ATXN1: variants seen among roughly 807,000 people sequenced by gnomAD.
The protein encoded by ATXN1 is ataxin-1.
In ATXN1, 8 loss-of-function variants were observed where a neutral mutation model predicts 56.4. The ratio of observed to expected loss-of-function variants is 0.14; its 90% confidence interval spans 0.08 to 0.26. ATXN1 has a LOEUF of 0.26. Ranked by LOEUF, ATXN1 falls within the 10% of genes least tolerant of loss-of-function variation. ATXN1 has a pLI of 1.00. For missense variants in ATXN1, 987 were observed against 1,106.5 expected (o/e 0.89, Z 1.53); for synonymous variants, 514 against 494.6 (o/e 1.04, Z -0.52).
chr6:16,543,632 TAA>T (rs566914364), intron 4 of ATXN1, among the ~76,000 whole-genome samples: 8 of 106,370 alleles, frequency 7.5e-5, no homozygotes, highest in Middle Eastern at 5.4e-3. Context: ...GCTATTTTCC[TAA>T]AAAAAAAAAA....
chr6:16,332,232 T>C (rs1373652601), intron 6 of ATXN1, among the ~76,000 whole-genome samples: 2 of 152,152 alleles, frequency 1.3e-5, no homozygotes, highest in Admixed American at 1.3e-4. Context: ...CTTTCAGTAC[T>C]GATAAGGGGA....
chr6:16,733,326 C>T (rs1760033957), intron 2 of ATXN1, among the ~76,000 whole-genome samples: 1 of 152,170 alleles, frequency 6.6e-6, no homozygotes, highest in African/African-American at 2.4e-5. Context: ...TTTGGGAGGC[C>T]GAGGCGGGAG....
At chr6:16,744,358 G>C (rs1157594193) in intron 2 of ATXN1, among the ~76,000 whole-genome samples, 1 of 152,190 alleles carries the variant, frequency 6.6e-6, no homozygotes, top group Non-Finnish European at 1.5e-5. Flanking sequence ...AGCCTGCTAC[G>C]TAGCAGAAAT....
intron 4 of ATXN1, among the ~76,000 whole-genome samples, chr6:16,559,408 T>C (rs1388395828): frequency 6.6e-6 from 1 of 150,390 alleles, no homozygotes; most frequent in Non-Finnish European, 1.5e-5. Context: ...TGGGACTGAA[T>C]ACTTTATGGC....
At chr6:16,671,902 G>A (rs1001767629) in intron 2 of ATXN1, among the ~76,000 whole-genome samples, 5 of 152,138 alleles carry the variant, frequency 3.3e-5, no homozygotes, top group Admixed American at 6.5e-5. Flanking sequence ...TCTAACATCA[G>A]TATTATGCAA....
At chr6:16,321,551 T>TGGA (rs1223699872) in intron 7 of ATXN1, among the ~76,000 whole-genome samples, 1 of 152,166 alleles carries the variant, frequency 6.6e-6, no homozygotes, top group Non-Finnish European at 1.5e-5. Context: ...TTTGCTCGAG[T>TGGA]GGAGAAAAGC....
At chr6:16,511,994 T>C (rs1022139105) in intron 5 of ATXN1, among the ~76,000 whole-genome samples, 1 of 152,144 alleles carries the variant, frequency 6.6e-6, no homozygotes, top group Non-Finnish European at 1.5e-5. Context: ...CCAGCCCCCA[T>C]CTTTCTCCTC....
chr6:16,483,367 C>A (rs1314046550), intron 6 of ATXN1, among the ~76,000 whole-genome samples: 1 of 152,202 alleles, frequency 6.6e-6, no homozygotes, highest in Non-Finnish European at 1.5e-5. Context: ...AACATGCATT[C>A]TTTGAAAATT....
intron 6 of ATXN1, among the ~76,000 whole-genome samples, chr6:16,366,588 C>T (rs1237615046): frequency 6.6e-6 from 1 of 152,052 alleles, no homozygotes; most frequent in Admixed American, 6.5e-5. Context: ...GGAGACCAGA[C>T]TAGCCAACAT....
chr6:16,624,797 T>C (rs577602120), intron 3 of ATXN1, among the ~76,000 whole-genome samples: 1 of 152,278 alleles, frequency 6.6e-6, no homozygotes, highest in Admixed American at 6.5e-5. Flanking sequence ...TATGCCACAA[T>C]TCAGAAAATG....
At chr6:16,539,568 T>C (rs1220634857) in intron 4 of ATXN1, among the ~76,000 whole-genome samples, 1 of 152,180 alleles carries the variant, frequency 6.6e-6, no homozygotes, top group East Asian at 1.9e-4. Context: ...CTTATTGATA[T>C]AGACTGTGTC....
In ATXN1 at chr6:16,631,878, G is replaced by A. The variant is rs139854940; in HGVS notation, c.-489+25898C>T. On this transcript the variant is annotated intron_variant, in intron 3 of 7. Coordinates refer to ENST00000436367, the MANE Select transcript of ATXN1 (RefSeq NM_001128164.2). ...ATCAACAGGAAAGAGGAAGAGAAGA[G>A]CTCAGAAATAAGCCACTAGTGCTCG... is the stretch of plus-strand genomic sequence containing the variant. 2.8e-3 allele frequency among the ~76,000 whole-genome samples: 433 copies of A among 152,288 alleles called. 1 individual carries two copies. Among genetic ancestry groups the A allele is most frequent in the Non-Finnish European group, 4.6e-3 (312 of 68,026 alleles).
rs9477134 is a variant in ATXN1 at position 16,433,831 on chromosome 6, C to T, written c.-161+52141G>A. Among the ~76,000 whole-genome samples, 941 of 152,318 alleles carry T rather than the reference C, an allele frequency of 6.2e-3. 5 individuals are homozygous for T. The highest frequency in any genetic ancestry group is 0.021 in the African/African-American group (884 of 41,572). ...AGCAGCTCCGCCCAGGAGTTCCTGCCGGAGCTCAGGCGAGCCACGGATCGG... is the reference window on the plus strand; with the variant it reads ...AGCAGCTCCGCCCAGGAGTTCCTGCTGGAGCTCAGGCGAGCCACGGATCGG... On this transcript the variant is annotated intron_variant, in intron 6 of 7. Transcript: ENST00000436367.
chr6:16,582,503 G>A (rs905161018), intron 4 of ATXN1, among the ~76,000 whole-genome samples: 1 of 152,114 alleles, frequency 6.6e-6, no homozygotes, highest in African/African-American at 2.4e-5. Context: ...CTTTGTGCTG[G>A]CAAAATCCTA....
intron 3 of ATXN1, among the ~76,000 whole-genome samples, chr6:16,627,497 G>A (rs1454911836): frequency 6.6e-6 from 1 of 152,156 alleles, no homozygotes; most frequent in Non-Finnish European, 1.5e-5. Flanking sequence ...GGGAGGCCGA[G>A]GTGGGCGGGT....
At chr6:16,615,579 A>G (rs1362354344) in intron 3 of ATXN1, 2 of 148,944 alleles carry the variant, frequency 1.3e-5, no homozygotes, top group Non-Finnish European at 3.0e-5. Context: ...TCAATAGACA[A>G]AAATTATCAT....
At chr6:16,317,674 G>A (rs893873227) in intron 7 of ATXN1, among the ~76,000 whole-genome samples, 2 of 151,988 alleles carry the variant, frequency 1.3e-5, no homozygotes, top group African/African-American at 4.8e-5. Flanking sequence ...TTTCATCTCT[G>A]GATGCCCTGT....
intron 2 of ATXN1, among the ~76,000 whole-genome samples, chr6:16,660,832 G>GTTTTTTTTTTTTTTT (rs754718969): frequency 8.6e-5 from 8 of 93,006 alleles, no homozygotes; most frequent in East Asian, 3.4e-4. Context: ...TTTTGTTTTG[G>GTTTTTTTTTTTTTTT]TTTTTTTTTT....
chr6:16,737,564 T>C (rs1378190227), intron 2 of ATXN1: 1 of 152,186 alleles, frequency 6.6e-6, no homozygotes, highest in Non-Finnish European at 1.5e-5. Flanking sequence ...TAAGGCCTAA[T>C]CTCATTAGCA....
Sources: allele counts gnomAD v4.1 joint callset (sites outside exome capture counted in the v4.1 genomes callset), GRCh38; gene constraint gnomAD v4.1.1; transcripts MANE v1.5; gene names NCBI Gene and HGNC (gene_info 2026-07-23, HGNC 2026-07-21).